Variants in CTSS observed in about 807,000 individuals in gnomAD.
The protein encoded by CTSS is cathepsin S.
Under a neutral mutation model 39.9 loss-of-function variants are expected in CTSS, and 15 were observed. The ratio of observed to expected loss-of-function variants is 0.38; its 90% CI spans 0.25 to 0.58. The LOEUF (loss-of-function observed/expected upper bound fraction) is 0.58, where lower values mean the gene tolerates loss of function less well. Among genes scored for constraint, CTSS ranks in the 20% least tolerant of loss-of-function variants. The probability of loss-of-function intolerance (pLI) is 0.70; values close to 1 mark genes in which losing one functional copy is unlikely to be tolerated. For missense variants in CTSS, 250 were observed against 398.2 expected (o/e 0.63, Z 3.17); for synonymous variants, 126 against 138.2 (o/e 0.91, Z 0.62).
intron 7 of CTSS, among the ~76,000 whole-genome samples, chr1:150,735,200 T>A (rs763088067): frequency 6.6e-6 from 1 of 152,342 alleles, no homozygotes; most frequent in South Asian, 2.1e-4. Context: ...TGTTTTTGCA[T>A]GCAGTGGAGA....
intron 2 of CTSS, among the ~76,000 whole-genome samples, chr1:150,763,095 AT>A (rs1013150884): frequency 2.4e-4 from 33 of 138,574 alleles, no homozygotes; most frequent in Non-Finnish European, 1.6e-5. Context: ...ATGGAATACT[AT>A]TTAGCCTTAA....
chr1:150,756,708 C>CTTTTTTTTTTTT (rs72242218), intron 3 of CTSS, among the ~76,000 whole-genome samples: 5 of 131,164 alleles, frequency 3.8e-5, no homozygotes, highest in Non-Finnish European at 6.4e-5. Context: ...TTCTTTCTTT[C>CTTTTTTTTTTTT]TTTTTTTTTT....
intron 7 of CTSS, among the ~76,000 whole-genome samples, chr1:150,744,951 G>A (rs587640759): frequency 1.3e-5 from 2 of 152,010 alleles, no homozygotes; most frequent in East Asian, 3.9e-4. Flanking sequence ...CCTGCCGTAG[G>A]GAGTTCCTTA....
chr1:150,762,726 T>C (rs1653290240), intron 2 of CTSS, among the ~76,000 whole-genome samples: 1 of 151,996 alleles, frequency 6.6e-6, no homozygotes, highest in African/African-American at 2.4e-5. Flanking sequence ...CAATGAGATA[T>C]CACCTCACAT....
chr1:150,731,179 G>C lies in CTSS; in HGVS notation c.*1867C>G, dbSNP rs1652513980. 1.3e-5 allele frequency: 2 copies of C among 152,222 alleles called. No homozygotes were observed. The highest frequency in any genetic ancestry group is 3.8e-4 in the East Asian group (2 of 5,200). 9.4% of individuals were successfully genotyped at this position (152,222 alleles called of 1,614,324 possible). A position where few individuals can be genotyped will look rare whatever the true frequency, so the allele number is the denominator to read the frequency against. ...GGGGTGGGTGGATCACCTGAGGTCA[G>C]GAGTTTGAGACCAGCCTGGCTAATG... On this transcript the variant is annotated 3_prime_UTR_variant, in exon 8 of 8. Coordinates refer to ENST00000368985, the MANE Select transcript of CTSS (RefSeq NM_004079.5).
At chr1:150,758,405 A>G (rs916989014) in intron 2 of CTSS, among the ~76,000 whole-genome samples, 2 of 152,166 alleles carry the variant, frequency 1.3e-5, no homozygotes, top group African/African-American at 2.4e-5. Flanking sequence ...AGAGCATGCA[A>G]ATACATAAAT....
intron 7 of CTSS, among the ~76,000 whole-genome samples, chr1:150,736,176 A>G (rs1652632966): frequency 2.0e-5 from 3 of 152,188 alleles, no homozygotes; most frequent in Admixed American, 2.0e-4. Context: ...GGCTATTATT[A>G]ATATTAATAG....
chr1:150,765,196 C>T (rs944815972), intron 1 of CTSS, among the ~76,000 whole-genome samples: 1 of 151,582 alleles, frequency 6.6e-6, no homozygotes, highest in African/African-American at 2.4e-5. Context: ...CTTAACTGAC[C>T]TGTTTAAATA....
intron 7 of CTSS, among the ~76,000 whole-genome samples, chr1:150,743,496 GAT>G (rs10609824): frequency 0.5 from 62,826 of 124,594 alleles, 16,537 homozygotes; most frequent in East Asian, 0.63. Context: ...GAGGCTGGGA[GAT>G]ATATATATAT....
chr1:150,740,558 T>C (rs1652728340), intron 7 of CTSS, among the ~76,000 whole-genome samples: 1 of 151,588 alleles, frequency 6.6e-6, no homozygotes, highest in South Asian at 2.1e-4. Context: ...GCCTGGCTAA[T>C]TTTTTTTGTA....
At position 150,747,887 on chromosome 1, in the gene CTSS, T is replaced by A; in HGVS notation, c.794-8A>T. 1 of 1,571,000 alleles carries A rather than the reference T, an allele frequency of 6.4e-7. No individual in the cohort carries two copies. Among genetic ancestry groups the A allele is most frequent in the East Asian group, 2.2e-5 (1 of 44,632 alleles). ...ATGGTTCATAGTAGACACCTGAGAA[T>A]CAAATATGGGTGGGAAAAAAGAGTG... On this transcript the variant is annotated splice_polypyrimidine_tract_variant and splice_region_variant and intron_variant, in intron 6 of 7. Coordinates refer to ENST00000368985, the MANE Select transcript of CTSS (RefSeq NM_004079.5).
At chr1:150,761,712 C>T (rs1653268542) in intron 2 of CTSS, among the ~76,000 whole-genome samples, 1 of 151,482 alleles carries the variant, frequency 6.6e-6, no homozygotes, top group Non-Finnish European at 1.5e-5. Flanking sequence ...GCCTGGGCAA[C>T]AAGAGCAAAA....
At position 150,738,511 on chromosome 1, in the gene CTSS, T is replaced by C. The variant is rs587766988; in HGVS notation, c.897-5366A>G. On this transcript the variant is annotated intron_variant, in intron 7 of 7. Transcript: ENST00000368985. ...AGTGATTTTTTTTTTTTTTTTGAGA[T>C]AGGATCTCACTCTGTCATCCAGGTT... Among the ~76,000 whole-genome samples the C allele has an allele frequency of 6.0e-5, 9 of 150,520 alleles. 1 individual carries two copies. In the South Asian group the frequency reaches 1.3e-3, roughly 21 times the overall value.
intron 2 of CTSS, among the ~76,000 whole-genome samples, chr1:150,761,034 C>G (rs587712313): frequency 3.2e-4 from 48 of 151,984 alleles, no homozygotes; most frequent in African/African-American, 1.1e-3. Flanking sequence ...CAAAAATTAG[C>G]TAGGTGTGGT....
rs1652540051 is a variant in CTSS, at chr1:150,732,230, CA to C, written c.*815del. The C allele has an allele frequency of 6.6e-6, 1 of 152,114 alleles. No homozygotes were observed. The highest frequency in any genetic ancestry group is 2.4e-5 in the African/African-American group (1 of 41,422). The allele number at this position is 152,114 out of a possible 1,614,324, so 9.4% of individuals were successfully genotyped here. ...GTGGCGTTTTGAATCCTCTTCTGTA[CA>C]AAGATACAATCTGAGTCCTTAGGAC... is the stretch of plus-strand genomic sequence containing the variant. On this transcript the variant is annotated 3_prime_UTR_variant, in exon 8 of 8. Coordinates refer to ENST00000368985, the MANE Select transcript of CTSS (RefSeq NM_004079.5).
At chr1:150,764,507 G>T in intron 2 of CTSS, 131 bp downstream of exon 2, 2 of 1,247,612 alleles carry the variant, frequency 1.6e-6, no homozygotes, top group Non-Finnish European at 2.2e-6. Context: ...CAAAGGGCTA[G>T]GATTACAGGC....
At chr1:150,744,924 G>A (rs1652862729) in intron 7 of CTSS, among the ~76,000 whole-genome samples, 1 of 151,906 alleles carries the variant, frequency 6.6e-6, no homozygotes. Flanking sequence ...CTTCAGTAGA[G>A]AAGGGAATTT....
At chr1:150,737,337 G>A (rs1652657993) in intron 7 of CTSS, among the ~76,000 whole-genome samples, 1 of 152,006 alleles carries the variant, frequency 6.6e-6, no homozygotes, top group African/African-American at 2.4e-5. Context: ...CCCAACCTCA[G>A]GTGATCCTCC....
Position 150,751,813 on chromosome 1 carries a change from C to T in CTSS, c.595G>A (p.Asp199Asn), listed in dbSNP as rs775224994. 2.5e-6 allele frequency: 4 copies of T among 1,614,148 alleles called. No individual in the cohort carries two copies. The highest frequency in any genetic ancestry group is 3.4e-6 in the Non-Finnish European group (4 of 1,180,026). ...TTGTAGGGATAGGAAGCGTCTGAGT[C>T]GATGCCCTTGTTATCAATGATGTAC... ...FQYIIDNKGI[D>N]SDASYPYKAM... is the part of the protein sequence containing the mutation. The change falls in exon 5 of 8, where the codon GAC (aspartate) becomes AAC (asparagine). Residue 199 changes from aspartate to asparagine, a missense_variant. Coordinates refer to ENST00000368985, the MANE Select transcript of CTSS (RefSeq NM_004079.5).
Sources: gnomAD v4.1 joint callset for allele counts (sites outside exome capture counted in the v4.1 genomes callset) on GRCh38, gnomAD v4.1.1 for gene constraint, MANE v1.5 for transcripts, NCBI Gene and HGNC (gene_info 2026-07-23, HGNC 2026-07-21) for gene names.